The following FOXO1 variants were observed in gnomAD, a reference collection of about 807,000 sequenced individuals.
The protein encoded by FOXO1 is forkhead box protein O1.
FOXO1 carries 6 observed loss-of-function variants against 44.1 expected under a neutral mutation model. That is an observed-to-expected ratio of 0.14 (90% CI 0.07 to 0.27). The LOEUF (loss-of-function observed/expected upper bound fraction) is 0.27, where lower values mean the gene tolerates loss of function less well. Ranked by LOEUF, FOXO1 falls within the 10% of genes least tolerant of loss-of-function variation. The pLI, the probability that FOXO1 is intolerant of heterozygous loss-of-function variation, is 1.00. For missense variants in FOXO1, 737 were observed against 888.8 expected (o/e 0.83, Z 2.17); for synonymous variants, 380 against 362.7 (o/e 1.05, Z -0.54).
rs61963698 is a variant in FOXO1 at position 40,558,913 on chromosome 13, G to A, written c.*136C>T. 2 of 378,194 alleles carry A rather than the reference G, an allele frequency of 5.3e-6. No individual in the cohort carries two copies. Among genetic ancestry groups the A allele is most frequent in the Non-Finnish European group, 9.1e-6 (2 of 220,680 alleles). 23.4% of individuals were successfully genotyped at this position (378,194 alleles called of 1,614,324 possible). On this transcript the variant is annotated 3_prime_UTR_variant, in exon 3 of 3. Transcript: ENST00000379561. ...CAAGTCTGACGAAAGGAAAAAAGGA[G>A]GGTTTTTTTTTTTGTTTTTTTTTTT... is the stretch of plus-strand genomic sequence containing the variant.
chr13:40,584,666 A>G (rs1014062366), intron 1 of FOXO1, among the ~76,000 whole-genome samples: 7 of 152,040 alleles, frequency 4.6e-5, no homozygotes, highest in Admixed American at 4.6e-4. Flanking sequence ...CATTATATAT[A>G]TATTTGGATA....
chr13:40,630,514 G>A (rs532599804), intron 1 of FOXO1, among the ~76,000 whole-genome samples: 1 of 152,142 alleles, frequency 6.6e-6, no homozygotes, highest in South Asian at 2.1e-4. Context: ...ATGTAGCCAG[G>A]TGCAGTGGCG....
At chr13:40,566,052 T>A (rs1874255516) in intron 1 of FOXO1, among the ~76,000 whole-genome samples, 1 of 152,202 alleles carries the variant, frequency 6.6e-6, no homozygotes, top group African/African-American at 2.4e-5. Context: ...AATATTTAAG[T>A]CTTCTCAAGG....
chr13:40,597,037 C>T (rs1349373537), intron 1 of FOXO1, among the ~76,000 whole-genome samples: 3 of 152,360 alleles, frequency 2.0e-5, no homozygotes, highest in African/African-American at 7.2e-5. Flanking sequence ...GAGCCAGCAG[C>T]AACTTATCTC....
chr13:40,611,074 A>C (rs752049991), intron 1 of FOXO1: 67 of 456,332 alleles, frequency 1.5e-4, no homozygotes, highest in Middle Eastern at 1.0e-3. Context: ...TTCATCAAAA[A>C]TAAATGCTTA....
chr13:40,664,999 A>G (rs548689626), intron 1 of FOXO1, among the ~76,000 whole-genome samples: 94 of 151,972 alleles, frequency 6.2e-4, no homozygotes, highest in African/African-American at 2.2e-3. Context: ...GGAGAAAACC[A>G]AAACAAAGCA....
chr13:40,576,043 C>T (rs1874730393), intron 1 of FOXO1, among the ~76,000 whole-genome samples: 1 of 152,162 alleles, frequency 6.6e-6, no homozygotes, highest in South Asian at 2.1e-4. Context: ...GGCTTGCGAT[C>T]TTTGGGCTTG....
rs768433269 is a variant in FOXO1 at position 40,559,544 on chromosome 13, T to G, written c.1947A>C (p.Thr649=). ...QSFPHSVKTT[T]HSWVSG Reference sequence around the variant, plus strand: ...ACCCTCAGCCTGACACCCAGCTATGTGTCGTTGTCTTGACACTGTGTGGGA... The same window carrying G: ...ACCCTCAGCCTGACACCCAGCTATGGGTCGTTGTCTTGACACTGTGTGGGA... Residue 649 remains threonine, a synonymous_variant, in exon 2 of 3, where the codon ACA becomes ACC. Transcript: ENST00000379561. 1.0e-5 allele frequency: 16 copies of G among 1,602,854 alleles called. No individual in the cohort carries two copies. In the African/African-American group the frequency reaches 2.0e-4, roughly 20 times the overall value.
chr13:40,574,267 G>A (rs1874656327), intron 1 of FOXO1, among the ~76,000 whole-genome samples: 10 of 152,136 alleles, frequency 6.6e-5, no homozygotes, highest in Admixed American at 6.5e-4. Context: ...TTAAAACTAC[G>A]AAGTTGCCAA....
intron 1 of FOXO1, among the ~76,000 whole-genome samples, chr13:40,652,532 C>A (rs987389547): frequency 6.6e-5 from 10 of 152,106 alleles, no homozygotes; most frequent in Non-Finnish European, 1.0e-4. Flanking sequence ...GCCACCGTGC[C>A]GGCCCAAACT....
intron 1 of FOXO1, among the ~76,000 whole-genome samples, chr13:40,654,374 C>CGT (rs1877787808): frequency 7.3e-6 from 1 of 137,606 alleles, no homozygotes; most frequent in Admixed American, 7.5e-5. Flanking sequence ...TGGTGGTGGC[C>CGT]GCCTGTAATC....
At chr13:40,638,531 G>A (rs1566082128) in intron 1 of FOXO1, among the ~76,000 whole-genome samples, 1 of 152,314 alleles carries the variant, frequency 6.6e-6, no homozygotes, top group East Asian at 1.9e-4. Context: ...AGTCCAATGA[G>A]ATTTGGGGGC....
chr13:40,609,316 T>G (rs765107613), intron 1 of FOXO1, among the ~76,000 whole-genome samples: 2 of 152,168 alleles, frequency 1.3e-5, no homozygotes, highest in Non-Finnish European at 2.9e-5. Flanking sequence ...TTGTTTGCTT[T>G]CTTTATTCTT....
At chr13:40,576,623 A>G (rs558616084) in intron 1 of FOXO1, among the ~76,000 whole-genome samples, 1 of 152,328 alleles carries the variant, frequency 6.6e-6, no homozygotes, top group African/African-American at 2.4e-5. Flanking sequence ...AGTTACCTTC[A>G]GGCCCTCCTC....
chr13:40,631,439 A>G (rs1449790615), intron 1 of FOXO1, among the ~76,000 whole-genome samples: 1 of 152,194 alleles, frequency 6.6e-6, no homozygotes, highest in Non-Finnish European at 1.5e-5. Flanking sequence ...CAAGCTACAA[A>G]AGAAAAAAAA....
In FOXO1 at chr13:40,655,785, G is replaced by T. The variant is rs9566557; in HGVS notation, c.630+9798C>A. Among the ~76,000 whole-genome samples the T allele has an allele frequency of 1.1e-3, 163 of 151,870 alleles. 4 individuals are homozygous for T. In the East Asian group the frequency reaches 0.02, roughly 18 times the overall value. On this transcript the variant is annotated intron_variant, in intron 1 of 2. Coordinates refer to ENST00000379561, the MANE Select transcript of FOXO1 (RefSeq NM_002015.4). ...AGTCTCCCAAGTAGCAGGGACCACAGGCATGCACCATCACCACTGGCTAAT... is the reference window on the plus strand; with the variant it reads ...AGTCTCCCAAGTAGCAGGGACCACATGCATGCACCATCACCACTGGCTAAT...
intron 1 of FOXO1, among the ~76,000 whole-genome samples, chr13:40,570,450 G>T (rs965907806): frequency 1.3e-5 from 2 of 152,110 alleles, no homozygotes; most frequent in African/African-American, 4.8e-5. Flanking sequence ...AGGAAGAAGG[G>T]GGCCACCACT....
At chr13:40,656,927 T>C (rs1294540422) in intron 1 of FOXO1, among the ~76,000 whole-genome samples, 1 of 151,768 alleles carries the variant, frequency 6.6e-6, no homozygotes, top group East Asian at 1.9e-4. Context: ...GCCTCCTGGA[T>C]TCACACCATT....
chr13:40,593,500 C>A lies in FOXO1; in HGVS notation c.631-32640G>T, dbSNP rs544740522. Among the ~76,000 whole-genome samples, 3 of 152,224 alleles carry A rather than the reference C, an allele frequency of 2.0e-5. No homozygotes were observed. In the South Asian group the frequency reaches 6.2e-4, roughly 32 times the overall value. On this transcript the variant is annotated intron_variant, in intron 1 of 2. Transcript: ENST00000379561. ...CTTCCTAGGTAATCTAAAACTGCAG[C>A]AAAGAAAAGTTCTTACCACTGTAGA...
Sources: gnomAD v4.1 joint callset for allele counts (sites outside exome capture counted in the v4.1 genomes callset) on GRCh38, gnomAD v4.1.1 for gene constraint, MANE v1.5 for transcripts, NCBI Gene and HGNC (gene_info 2026-07-23, HGNC 2026-07-21) for gene names.